The following ZNF85 variants were observed in gnomAD, a reference collection of about 807,000 sequenced individuals.
ZNF85 encodes the protein zinc finger protein 85.
In ZNF85, 50 loss-of-function variants were observed where a neutral mutation model predicts 53.9. The ratio of observed to expected loss-of-function variants is 0.93; its 90% CI spans 0.74 to 1.17. The LOEUF (loss-of-function observed/expected upper bound fraction) is 1.17, where lower values mean the gene tolerates loss of function less well. Among genes scored for constraint, ZNF85 ranks in the 50% most tolerant of loss-of-function variants. ZNF85 has a pLI of 0.00. For synonymous variants in ZNF85, 225 were observed against 226.1 expected (o/e 1.00, Z 0.04); for missense variants, 747 against 688.5 (o/e 1.08, Z -0.95).
intron 3 of ZNF85, among the ~76,000 whole-genome samples, chr19:20,942,223 A>G (rs1006418836): frequency 1.3e-5 from 2 of 151,382 alleles, no homozygotes; most frequent in African/African-American, 4.9e-5. Context: ...CTGGAGTGCA[A>G]TGGCATAATC....
At chr19:20,933,142 G>T (rs891514503) in intron 1 of ZNF85, among the ~76,000 whole-genome samples, 1 of 149,372 alleles carries the variant, frequency 6.7e-6, no homozygotes, top group Admixed American at 6.7e-5. Flanking sequence ...GCAGTGAGCT[G>T]AGATTGCACC....
At chr19:20,928,664 A>C (rs1388410608) in intron 1 of ZNF85, 3 of 152,256 alleles carry the variant, frequency 2.0e-5, no homozygotes, top group African/African-American at 7.2e-5. Flanking sequence ...GAGTGTCTAC[A>C]AGTCTCCTGG....
In ZNF85 at chr19:20,948,774, G is replaced by T. The variant is rs1973482695; in HGVS notation, c.260G>T (p.Trp87Leu). Residue 87 changes from tryptophan (W) to leucine (L), a missense_variant, in exon 4 of 4, where the codon TGG (tryptophan) becomes TTG (leucine). Physicochemically the swap from Trp to Leu is moderately conservative, Grantham distance 61. Coordinates refer to ENST00000328178, the MANE Select transcript of ZNF85 (RefSeq NM_003429.5). ...VMCSHFAQDL[W>L]PEQNIKDSFQ... ...TGTTCTCATTTTGCCCAAGACCTTT[G>T]GCCGGAGCAGAATATAAAAGATTCT... The T allele has an allele frequency of 1.5e-5, 24 of 1,587,428 alleles. No homozygotes were observed. The highest frequency in any genetic ancestry group is 2.1e-5 in the Non-Finnish European group (24 of 1,168,508).
chr19:20,933,640 C>T (rs151018106), intron 1 of ZNF85, among the ~76,000 whole-genome samples: 4 of 152,156 alleles, frequency 2.6e-5, no homozygotes, highest in African/African-American at 9.7e-5. Flanking sequence ...CCTTCTAACT[C>T]AACCTGTCTT....
intron 1 of ZNF85, among the ~76,000 whole-genome samples, chr19:20,925,720 C>G (rs192940682): frequency 1.6e-4 from 25 of 152,174 alleles, no homozygotes; most frequent in African/African-American, 6.0e-4. Flanking sequence ...TGAGCAGGAG[C>G]GGGTGGGAGA....
intron 1 of ZNF85, 116 bp downstream of exon 1, chr19:20,923,519 T>G: frequency 6.5e-7 from 1 of 1,549,088 alleles, no homozygotes; most frequent in African/African-American, 1.4e-5. Context: ...TGCGCTCCAG[T>G]TCTTTTTGCC....
Position 20,934,094 on chromosome 19 carries a change from A to C in ZNF85, c.74A>C (p.Gln25Pro). 1 of 1,612,996 alleles carries C rather than the reference A, an allele frequency of 6.2e-7. No homozygotes were observed. The highest frequency in any genetic ancestry group is 1.1e-5 in the South Asian group (1 of 91,046). ...GAGTGGCAATGCCTGGACACTGCAC[A>C]GCGGAATTTATATAGAAATGTGATG... ...LKEWQCLDTA[Q>P]RNLYRNVMLE... Residue 25 changes from glutamine to proline, a missense_variant, in exon 2 of 4, where the codon CAG becomes CCG. By Grantham distance (76) the Gln-to-Pro change is moderately conservative. Coordinates refer to ENST00000328178, the MANE Select transcript of ZNF85 (RefSeq NM_003429.5).
intron 1 of ZNF85, among the ~76,000 whole-genome samples, chr19:20,932,620 CTG>C (rs1185366216): frequency 2.6e-5 from 4 of 152,010 alleles, no homozygotes; most frequent in African/African-American, 9.7e-5. Context: ...TCCATTACCT[CTG>C]TGCAAAACAG....
intron 1 of ZNF85, among the ~76,000 whole-genome samples, chr19:20,932,747 T>C (rs1439593660): frequency 1.3e-5 from 2 of 152,152 alleles, no homozygotes; most frequent in Admixed American, 6.5e-5. Context: ...GATTTAAAAT[T>C]ACTATTACAA....
intron 1 of ZNF85, among the ~76,000 whole-genome samples, chr19:20,931,733 G>A (rs1179678754): frequency 6.9e-6 from 1 of 145,586 alleles, no homozygotes; most frequent in Non-Finnish European, 1.5e-5. Context: ...TCAGCCTCCC[G>A]AGTAGTTGGG....
At position 20,950,315 on chromosome 19, in the gene ZNF85, A is replaced by C; in HGVS notation, c.*13A>C. On this transcript the variant is annotated 3_prime_UTR_variant, in exon 4 of 4. Transcript: ENST00000328178. ...ATTACAAATATGAAAATTATGGCAA[A>C]GCTTTAATCAATTTACAAGTCTTAC... is the stretch of plus-strand genomic sequence containing the variant. 1.3e-6 allele frequency: 2 copies of C among 1,493,248 alleles called. No homozygotes were observed. The highest frequency in any genetic ancestry group is 1.4e-5 in the South Asian group (1 of 69,884). The allele number at this position is 1,493,248 out of a possible 1,614,324, so 92.5% of individuals were successfully genotyped here.
chr19:20,933,875 TGTAA>T, intron 1 of ZNF85, 145 bp from the exon 2 acceptor site: 1 of 807,090 alleles, frequency 1.2e-6, no homozygotes, highest in Non-Finnish European at 1.8e-6. Context: ...TAGTCACTCC[TGTAA>T]GTCAGAAACA....
At chr19:20,926,028 C>T (rs915129989) in intron 1 of ZNF85, among the ~76,000 whole-genome samples, 4 of 152,134 alleles carry the variant, frequency 2.6e-5, no homozygotes, top group Non-Finnish European at 5.9e-5. Context: ...AAAATTTTCT[C>T]AGGTGTGCTT....
chr19:20,934,360 G>A (rs1973105648), intron 2 of ZNF85, among the ~76,000 whole-genome samples: 1 of 152,132 alleles, frequency 6.6e-6, no homozygotes, highest in Admixed American at 6.5e-5. Flanking sequence ...GAGCTGATCT[G>A]TATCCTTCAC....
At chr19:20,948,712 G>GTCATTTT (rs778445374) in intron 3 of ZNF85, 32 bp from the exon 4 acceptor site, 1 of 1,438,550 alleles carries the variant, frequency 7.0e-7, no homozygotes, top group Non-Finnish European at 9.4e-7. Context: ...AGTCTAGCAA[G>GTCATTTT]TGGAGTAATT....
At position 20,923,323 on chromosome 19, in the gene ZNF85, C is replaced by T. The variant is rs554721140; in HGVS notation, c.-78C>T. The T allele has an allele frequency of 6.2e-7, 1 of 1,609,394 alleles. No individual in the cohort carries two copies. The highest frequency in any genetic ancestry group is 1.3e-5 in the African/African-American group (1 of 74,768). On this transcript the variant is annotated 5_prime_UTR_variant, in exon 1 of 4. Coordinates refer to ENST00000328178, the MANE Select transcript of ZNF85 (RefSeq NM_003429.5). The stretch of plus-strand genomic sequence containing the variant: ...CTTTGTGTTTTCTGCTCGTGGACGC[C>T]CAGCCTCTGTGGCCCTGTGGCCTGC...
chr19:20,937,696 G>A (rs1402235407), intron 3 of ZNF85, among the ~76,000 whole-genome samples: 1 of 152,150 alleles, frequency 6.6e-6, no homozygotes, highest in Non-Finnish European at 1.5e-5. Flanking sequence ...TGTGTAGGCA[G>A]AACTGGCCAT....
chr19:20,941,794 G>T (rs1162554423), intron 3 of ZNF85, among the ~76,000 whole-genome samples: 2 of 131,912 alleles, frequency 1.5e-5, no homozygotes, highest in African/African-American at 2.9e-5. Context: ...CAGAAACTTT[G>T]AAGTGTAATG....
intron 3 of ZNF85, chr19:20,946,238 G>A (rs1205182591): frequency 2.8e-6 from 1 of 354,676 alleles, no homozygotes; most frequent in African/African-American, 2.2e-5. Context: ...TTATCTTAAA[G>A]AGTAATTTAT....
Sources: gnomAD v4.1 joint callset for allele counts (sites outside exome capture counted in the v4.1 genomes callset) on GRCh38, gnomAD v4.1.1 for gene constraint, MANE v1.5 for transcripts, NCBI Gene and HGNC (gene_info 2026-07-23, HGNC 2026-07-21) for gene names.